The following CARMIL1 variants were observed in gnomAD, a reference collection of about 807,000 sequenced individuals.
CARMIL1 encodes F-actin-uncapping protein LRRC16A.
In CARMIL1, 90 loss-of-function variants were observed where a neutral mutation model predicts 177.1. The observed-to-expected ratio is 0.51, with a 90% CI of 0.43 to 0.61. CARMIL1 has a LOEUF of 0.61. CARMIL1 is among the 20% of genes least tolerant of loss of function. The pLI, the probability that CARMIL1 is intolerant of heterozygous loss-of-function variation, is 0.00. For missense variants in CARMIL1, 1,380 were observed against 1,667.0 expected (o/e 0.83, Z 3.00); for synonymous variants, 577 against 606.2 (o/e 0.95, Z 0.71).
At chr6:25,446,981 T>C (rs987554651) in intron 5 of CARMIL1, among the ~76,000 whole-genome samples, 2 of 152,194 alleles carry the variant, frequency 1.3e-5, no homozygotes, top group Non-Finnish European at 2.9e-5. Context: ...GTGTGATTCA[T>C]GGTCCCCCAA....
intron 2 of CARMIL1, among the ~76,000 whole-genome samples, chr6:25,341,784 A>G (rs2744232): frequency 0.44 from 67,205 of 152,078 alleles, 15,259 homozygotes; most frequent in African/African-American, 0.55. Context: ...TAAGACAGAC[A>G]TAGTTTTTCT....
At chr6:25,544,918 T>A (rs898481269) in intron 26 of CARMIL1, among the ~76,000 whole-genome samples, 13 of 152,188 alleles carry the variant, frequency 8.5e-5, no homozygotes, top group African/African-American at 3.1e-4. Context: ...AGACCTGTAT[T>A]GTCCAATGTG....
At chr6:25,618,594 G>A (rs1017516513) in intron 36 of CARMIL1, among the ~76,000 whole-genome samples, 1 of 152,242 alleles carries the variant, frequency 6.6e-6, no homozygotes, top group African/African-American at 2.4e-5. Flanking sequence ...GACAGATCTA[G>A]TTTAAATCCT....
At chr6:25,618,340 G>A (rs1759457323) in intron 36 of CARMIL1, among the ~76,000 whole-genome samples, 1 of 151,906 alleles carries the variant, frequency 6.6e-6, no homozygotes, top group Admixed American at 6.6e-5. Flanking sequence ...AAGGATTGAT[G>A]TAGTGTGTTC....
At chr6:25,436,590 G>C (rs1033439107) in intron 5 of CARMIL1, among the ~76,000 whole-genome samples, 5 of 152,234 alleles carry the variant, frequency 3.3e-5, no homozygotes, top group African/African-American at 1.2e-4. Context: ...AAGTGGCTCA[G>C]TGGGGACAGA....
intron 16 of CARMIL1, among the ~76,000 whole-genome samples, chr6:25,496,679 C>A (rs1803759450): frequency 6.6e-6 from 1 of 152,160 alleles, no homozygotes; most frequent in Admixed American, 6.5e-5. Flanking sequence ...CCATTATAAT[C>A]ATTCTCATTT....
intron 8 of CARMIL1, among the ~76,000 whole-genome samples, 199 bp downstream of exon 8, chr6:25,450,910 C>CCTTCT (rs1460249069): frequency 0.44 from 15,789 of 35,692 alleles, 6,264 homozygotes; most frequent in East Asian, 0.76. Context: ...TTTTTCTTTT[C>CCTTCT]CTTCTCCTCT....
At chr6:25,430,769 T>A (rs1178415512) in intron 4 of CARMIL1, among the ~76,000 whole-genome samples, 1 of 152,230 alleles carries the variant, frequency 6.6e-6, no homozygotes, top group Admixed American at 6.5e-5. Context: ...TAATATTCCT[T>A]AATGATATAG....
At chr6:25,366,840 G>A (rs1789869471) in intron 2 of CARMIL1, among the ~76,000 whole-genome samples, 1 of 152,108 alleles carries the variant, frequency 6.6e-6, no homozygotes, top group Non-Finnish European at 1.5e-5. Flanking sequence ...TACTTAAAAT[G>A]TATTTCTAAC....
rs762074920 is a variant in CARMIL1, at chr6:25,539,963, A to G, written c.2213A>G (p.Tyr738Cys). The G allele has an allele frequency of 1.2e-5, 19 of 1,587,392 alleles. No homozygotes were observed. The highest frequency in any genetic ancestry group is 4.7e-5 in the South Asian group (4 of 85,434). The part of the protein sequence containing the change: ...KNSKTLLPNL[Y>C]HVGGASWAGA... ...CTCTTACAGTTGTTACCAAATTTAT[A>G]CCATGTTGGTGGTGCATCTTGGGCG... The change falls in exon 26 of 37, where the codon TAC (tyrosine) becomes TGC (cysteine). Residue 738 changes from tyrosine to cysteine, a missense_variant. Tyr to Cys is a radical substitution (Grantham distance 194, BLOSUM62 -2). Transcript: ENST00000329474.
chr6:25,323,830 AT>A (rs1372524820), intron 2 of CARMIL1, among the ~76,000 whole-genome samples: 4 of 152,028 alleles, frequency 2.6e-5, no homozygotes, highest in Non-Finnish European at 4.4e-5. Context: ...GTTTTGTTTC[AT>A]TTTTTTCCCT....
chr6:25,459,254 C>CTTTCTTTCTT (rs1562167469), intron 8 of CARMIL1, among the ~76,000 whole-genome samples: 3 of 110,174 alleles, frequency 2.7e-5, no homozygotes, highest in African/African-American at 3.6e-5. Flanking sequence ...TTCTTTCTTT[C>CTTTCTTTCTT]TTTCTTTCTT....
At chr6:25,312,972 C>A (rs1177259550) in intron 2 of CARMIL1, among the ~76,000 whole-genome samples, 11 of 150,926 alleles carry the variant, frequency 7.3e-5, no homozygotes, top group African/African-American at 2.4e-4. Flanking sequence ...ACCCTTGTTT[C>A]CCTTTCTGAG....
At chr6:25,283,384 C>T (rs538148360) in intron 1 of CARMIL1, among the ~76,000 whole-genome samples, 3 of 152,274 alleles carry the variant, frequency 2.0e-5, no homozygotes, top group African/African-American at 7.2e-5. Flanking sequence ...GCCCTTACTG[C>T]AGTCATGCCT....
chr6:25,406,811 T>G (rs113512767), intron 2 of CARMIL1, among the ~76,000 whole-genome samples: 5 of 152,180 alleles, frequency 3.3e-5, no homozygotes, highest in African/African-American at 9.6e-5. Flanking sequence ...AGGGTTGGAG[T>G]ACATACAAGT....
intron 12 of CARMIL1, among the ~76,000 whole-genome samples, chr6:25,486,093 TC>T (rs999991172): frequency 6.6e-6 from 1 of 152,196 alleles, no homozygotes; most frequent in Admixed American, 6.5e-5. Flanking sequence ...ACCACCTTTT[TC>T]CAGCTGTAAA....
intron 5 of CARMIL1, among the ~76,000 whole-genome samples, chr6:25,440,119 T>C (rs1432743671): frequency 6.6e-6 from 1 of 152,168 alleles, no homozygotes. Context: ...ACTTAATCCA[T>C]TTCCAGTACC....
chr6:25,549,094 A>C (rs140067499), intron 26 of CARMIL1, among the ~76,000 whole-genome samples: 5 of 152,352 alleles, frequency 3.3e-5, no homozygotes, highest in East Asian at 3.9e-4. Context: ...TTATGTGATC[A>C]TGGAGCAGAA....
chr6:25,411,889 C>G (rs1581849430), intron 2 of CARMIL1, among the ~76,000 whole-genome samples: 1 of 152,154 alleles, frequency 6.6e-6, no homozygotes. Context: ...CTTGTCATTC[C>G]TAGAAGTCCA....
Sources: allele counts gnomAD v4.1 joint callset (sites outside exome capture counted in the v4.1 genomes callset), GRCh38; gene constraint gnomAD v4.1.1; transcripts MANE v1.5; gene names NCBI Gene and HGNC (gene_info 2026-07-23, HGNC 2026-07-21).